Variants in SLC22A25 observed in about 807,000 individuals in gnomAD.
SLC22A25 encodes MGI:2442751, MGI:2385316, MGI:3042283, MGI:3645714, MGI:3605624, MGI:2442750.
SLC22A25 carries 44 observed loss-of-function variants against 45.9 expected under a neutral mutation model. The ratio of observed to expected loss-of-function variants is 0.96; its 90% CI spans 0.75 to 1.23. The LOEUF is 1.23. Among genes scored for constraint, SLC22A25 ranks in the 50% most tolerant of loss-of-function variants. The pLI, the probability that SLC22A25 is intolerant of heterozygous loss-of-function variation, is 0.00. For synonymous variants in SLC22A25, 283 were observed against 238.6 expected, an observed-to-expected ratio of 1.19 and a Z score of -1.72; for missense variants, 800 against 666.4, an observed-to-expected ratio of 1.20 and a Z score of -2.21.
intron 7 of SLC22A25, among the ~76,000 whole-genome samples, chr11:63,209,248 G>A (rs916804306): frequency 1.3e-5 from 2 of 152,012 alleles, no homozygotes; most frequent in Non-Finnish European, 2.9e-5. Flanking sequence ...CTGCCTAGAG[G>A]GATACTGCAA....
chr11:63,187,358 G>A (rs568444067), intron 7 of SLC22A25, among the ~76,000 whole-genome samples: 59 of 152,180 alleles, frequency 3.9e-4, no homozygotes, highest in African/African-American at 1.4e-3. Context: ...TCTGTTATTG[G>A]TGTATAAGAA....
At chr11:63,180,114 A>T (rs979301265) in intron 9 of SLC22A25, among the ~76,000 whole-genome samples, 1 of 152,132 alleles carries the variant, frequency 6.6e-6, no homozygotes, top group African/African-American at 2.4e-5. Flanking sequence ...GGGGCATTAC[A>T]ATGTCTTGTC....
chr11:63,191,422 C>T (rs755904302), intron 7 of SLC22A25, among the ~76,000 whole-genome samples: 4 of 152,104 alleles, frequency 2.6e-5, no homozygotes, highest in Admixed American at 6.5e-5. Flanking sequence ...GGGAGTGACC[C>T]GATTTTCTGG....
In SLC22A25 at chr11:63,229,351, A is replaced by T. The variant is rs142427382; in HGVS notation, c.302T>A (p.Leu101Gln). The T allele has an allele frequency of 6.2e-7, 1 of 1,613,868 alleles. No homozygotes were observed. The highest frequency in any genetic ancestry group is 8.5e-7 in the Non-Finnish European group (1 of 1,179,898). ...ACTCGTGTTGGGGAAGGTCCCATTC[A>T]GATGAATGAGCTTCCACTGGGGATG... is the stretch of plus-strand genomic sequence containing the variant. The part of the protein sequence containing the change: ...FVHPQWKLIH[L>Q]NGTFPNTSEP... The change falls in exon 4 of 12, where the codon CTG (leucine) becomes CAG (glutamine). Residue 101 changes from leucine to glutamine, a missense_variant. Physicochemically the swap from Leu to Gln is moderately radical, Grantham distance 113. Coordinates refer to ENST00000306494, the MANE Select transcript of SLC22A25 (RefSeq NM_199352.6).
chr11:63,217,560 G>A, intron 6 of SLC22A25, 21 bp downstream of exon 6: 1 of 1,610,228 alleles, frequency 6.2e-7, no homozygotes, highest in South Asian at 1.1e-5. Flanking sequence ...TGGAAAATGT[G>A]GATCGAAAAT....
chr11:63,183,596 C>T, intron 8 of SLC22A25, 98 bp downstream of exon 8: 1 of 1,505,746 alleles, frequency 6.6e-7, no homozygotes, highest in East Asian at 2.3e-5. Flanking sequence ...ATAACTCTAC[C>T]TGTGTTTCTC....
At chr11:63,240,099 G>C (rs1256540925) in intron 1 of SLC22A25, among the ~76,000 whole-genome samples, 1 of 152,176 alleles carries the variant, frequency 6.6e-6, no homozygotes, top group Non-Finnish European at 1.5e-5. Flanking sequence ...AACCTGTACA[G>C]TATGTTACTT....
Position 63,163,759 on chromosome 11 carries a change from C to A in SLC22A25, c.*65G>T. On this transcript the variant is annotated 3_prime_UTR_variant, in exon 12 of 12. Transcript: ENST00000306494. The stretch of plus-strand genomic sequence containing the variant: ...AAAGGCACTGACTACATGGGAATAG[C>A]CCAGATCTAAGCCTTTTTGGGGGAT... The A allele has an allele frequency of 6.5e-7, 1 of 1,547,206 alleles. No homozygotes were observed. Among genetic ancestry groups the A allele is most frequent in the East Asian group, 2.2e-5 (1 of 44,458 alleles).
intron 7 of SLC22A25, among the ~76,000 whole-genome samples, chr11:63,188,475 G>C (rs1353038161): frequency 6.6e-6 from 1 of 151,998 alleles, no homozygotes; most frequent in African/African-American, 2.4e-5. Context: ...TATCTATTTT[G>C]TTGCTCTTTT....
chr11:63,206,966 AAAT>A (rs1386624173), intron 7 of SLC22A25, among the ~76,000 whole-genome samples: 1 of 152,226 alleles, frequency 6.6e-6, no homozygotes, highest in Non-Finnish European at 1.5e-5. Flanking sequence ...GAGCCCTCAG[AAAT>A]AATTTCACAC....
At chr11:63,164,728 T>G in intron 10 of SLC22A25, 94 bp from the exon 11 acceptor site, 5 of 958,198 alleles carry the variant, frequency 5.2e-6, no homozygotes, top group South Asian at 1.4e-5. Context: ...TTTGGAGGTG[T>G]TTCCAGGGGT....
At chr11:63,185,038 C>G (rs927859992) in intron 7 of SLC22A25, among the ~76,000 whole-genome samples, 1 of 152,106 alleles carries the variant, frequency 6.6e-6, no homozygotes, top group Non-Finnish European at 1.5e-5. Flanking sequence ...ATTGCAGGAC[C>G]TGACAGACAA....
At chr11:63,190,564 T>C (rs2088768419) in intron 7 of SLC22A25, among the ~76,000 whole-genome samples, 1 of 152,206 alleles carries the variant, frequency 6.6e-6, no homozygotes, top group Non-Finnish European at 1.5e-5. Flanking sequence ...TCATTGTCTG[T>C]CCAGCTTTGT....
At chr11:63,176,949 G>T (rs2088110201) in intron 9 of SLC22A25, among the ~76,000 whole-genome samples, 1 of 151,976 alleles carries the variant, frequency 6.6e-6, no homozygotes, top group Non-Finnish European at 1.5e-5. Flanking sequence ...AGTGTTGACA[G>T]ATTCACTCAG....
chr11:63,222,126 T>C (rs2089867270), intron 5 of SLC22A25, among the ~76,000 whole-genome samples: 2 of 152,136 alleles, frequency 1.3e-5, no homozygotes, highest in Middle Eastern at 3.2e-3. Context: ...TTTTGTGGTT[T>C]CATATATAGT....
intron 7 of SLC22A25, among the ~76,000 whole-genome samples, chr11:63,197,062 CT>C (rs2089064412): frequency 6.6e-6 from 1 of 151,990 alleles, no homozygotes; most frequent in Non-Finnish European, 1.5e-5. Context: ...TGTGAAGGAC[CT>C]TTTCAAGGAG....
chr11:63,187,404 A>G (rs902476607), intron 7 of SLC22A25, among the ~76,000 whole-genome samples: 2 of 152,194 alleles, frequency 1.3e-5, no homozygotes, highest in African/African-American at 4.8e-5. Flanking sequence ...TTATATCCTG[A>G]GACTTTGCTG....
At chr11:63,190,698 A>C (rs1302980888) in intron 7 of SLC22A25, among the ~76,000 whole-genome samples, 1 of 151,724 alleles carries the variant, frequency 6.6e-6, no homozygotes, top group African/African-American at 2.4e-5. Context: ...TTGCTCTTTG[A>C]TGATGGTGAC....
In SLC22A25 at chr11:63,163,958, A is replaced by G; in HGVS notation, c.1510T>C (p.Phe504Leu). Residue 504 changes from phenylalanine (F) to leucine (L), a missense_variant, in exon 12 of 12, where the codon TTT becomes CTT. Transcript: ENST00000306494. ...ACAACAAGGCCAGAGAGGATGGCAA[A>G]GACTCCATAGATGATCCAGGGCAGG... ...RPLPWIIYGV[F>L]AILSGLVVLL... The G allele has an allele frequency of 6.2e-7, 1 of 1,613,944 alleles. No individual in the cohort carries two copies. The highest frequency in any genetic ancestry group is 1.1e-5 in the South Asian group (1 of 91,074).
Sources: allele counts gnomAD v4.1 joint callset (sites outside exome capture counted in the v4.1 genomes callset), GRCh38; gene constraint gnomAD v4.1.1; transcripts MANE v1.5; gene names NCBI Gene and HGNC (gene_info 2026-07-23, HGNC 2026-07-21).